Variants in GABRA4 observed in about 807,000 individuals in gnomAD.
The protein encoded by GABRA4 is gamma-aminobutyric acid type A receptor subunit alpha4.
Under a neutral mutation model 49.7 loss-of-function variants are expected in GABRA4, and 12 were observed. The ratio of observed to expected loss-of-function variants is 0.24; its 90% CI spans 0.15 to 0.39. The LOEUF (loss-of-function observed/expected upper bound fraction) is 0.39, where lower values mean the gene tolerates loss of function less well. Among genes scored for constraint, GABRA4 ranks in the 10% least tolerant of loss-of-function variants. The pLI is 1.00. For synonymous variants in GABRA4, 288 were observed against 240.2 expected (o/e 1.20, Z -1.84); for missense variants, 506 against 686.0 (o/e 0.74, Z 2.93).
rs553199900 is a variant in GABRA4, at chr4:46,944,893, C to A, written c.1135-16138G>T. Among the ~76,000 whole-genome samples the A allele has an allele frequency of 4.6e-5, 7 of 152,156 alleles. No homozygotes were observed. The East Asian group carries it at 1.4e-3, about 29-fold the overall frequency. On this transcript the variant is annotated intron_variant, in intron 8 of 8. Transcript: ENST00000264318. ...CTTTAAGGGCCTCAACAGTGTCTAA[C>A]TGTTTTCCTTTCCCTACCAACTAGC...
Position 46,922,647 on chromosome 4 carries a change from T to C in GABRA4, c.*5578A>G, listed in dbSNP as rs550859019. 25 of 151,526 alleles carry C rather than the reference T, an allele frequency of 1.6e-4. No individual in the cohort carries two copies. The highest frequency in any genetic ancestry group is 5.8e-4 in the African/African-American group (24 of 41,294). The allele number at this position is 151,526 out of a possible 1,614,324, so 9.4% of individuals were successfully genotyped here. On this transcript the variant is annotated 3_prime_UTR_variant, in exon 9 of 9. Coordinates refer to ENST00000264318, the MANE Select transcript of GABRA4 (RefSeq NM_000809.4). ...TATTTCAATAAAGCAATGGTAAAAA[T>C]AGAGAAAGAGAAGAAAAATGAAATG...
In GABRA4 at chr4:46,926,425, T is replaced by C. The variant is rs961910753; in HGVS notation, c.*1800A>G. 5 of 151,910 alleles carry C rather than the reference T, an allele frequency of 3.3e-5. No homozygotes were observed. The highest frequency in any genetic ancestry group is 2.6e-4 in the Admixed American group (4 of 15,208). 9.4% of individuals were successfully genotyped at this position (151,910 alleles called of 1,614,324 possible). A position where few individuals can be genotyped will look rare whatever the true frequency, so the allele number is the denominator to read the frequency against. Reference sequence around the variant, plus strand: ...CTTAAAATGTGTTGATTCTATGGAATACCTAGAAAGACAGCCAAGAATGAT... The same window carrying C: ...CTTAAAATGTGTTGATTCTATGGAACACCTAGAAAGACAGCCAAGAATGAT... On this transcript the variant is annotated 3_prime_UTR_variant, in exon 9 of 9. Transcript: ENST00000264318.
At chr4:46,939,690 G>T (rs1721727238) in intron 8 of GABRA4, among the ~76,000 whole-genome samples, 1 of 151,788 alleles carries the variant, frequency 6.6e-6, no homozygotes, top group African/African-American at 2.4e-5. Flanking sequence ...ACCCCTAAGT[G>T]ATCTTTGTAA....
intron 5 of GABRA4, among the ~76,000 whole-genome samples, chr4:46,976,634 T>A (rs950763784): frequency 2.0e-5 from 3 of 151,798 alleles, no homozygotes; most frequent in African/African-American, 7.2e-5. Context: ...AAGTTAGCTA[T>A]GAAGGACTGC....
At chr4:46,938,538 A>G (rs929567354) in intron 8 of GABRA4, among the ~76,000 whole-genome samples, 14 of 152,106 alleles carry the variant, frequency 9.2e-5, no homozygotes, top group African/African-American at 3.1e-4. Context: ...CTGTAAAATC[A>G]TAGCTATGCA....
At chr4:46,968,375 A>G (rs1000146631) in intron 7 of GABRA4, among the ~76,000 whole-genome samples, 5 of 147,498 alleles carry the variant, frequency 3.4e-5, no homozygotes, top group Middle Eastern at 3.5e-3. Flanking sequence ...ATTTCTAATG[A>G]AAAAAAAAAC....
intron 8 of GABRA4, among the ~76,000 whole-genome samples, chr4:46,951,460 A>G (rs1722169674): frequency 6.6e-6 from 1 of 151,836 alleles, no homozygotes; most frequent in African/African-American, 2.4e-5. Context: ...TGCCCAATAA[A>G]CTAAACCCAT....
intron 6 of GABRA4, among the ~76,000 whole-genome samples, chr4:46,971,812 T>C (rs572728852): frequency 1.3e-5 from 2 of 150,784 alleles, no homozygotes; most frequent in African/African-American, 4.8e-5. Flanking sequence ...AATTTCTAAA[T>C]GTTCTTTATA....
intron 8 of GABRA4, among the ~76,000 whole-genome samples, chr4:46,928,973 T>C (rs1721336767): frequency 6.6e-6 from 1 of 152,146 alleles, no homozygotes; most frequent in South Asian, 2.1e-4. Context: ...TATTTCAAAA[T>C]ATGGTACATT....
At chr4:46,953,160 C>A (rs1722230914) in intron 8 of GABRA4, among the ~76,000 whole-genome samples, 1 of 152,104 alleles carries the variant, frequency 6.6e-6, no homozygotes, top group South Asian at 2.1e-4. Context: ...TACAAACCAA[C>A]TCATGATATT....
At position 46,964,842 on chromosome 4, in the gene GABRA4, T is replaced by G. The variant is rs1577775809; in HGVS notation, c.1134+128A>C. ...TTAAGCTCATACAGTTACTTTTATG[T>G]TTTTCTGTATTTTTAAATGACTTAC... On this transcript the variant is annotated intron_variant, in intron 8 of 8. Coordinates refer to ENST00000264318, the MANE Select transcript of GABRA4 (RefSeq NM_000809.4). 5.9e-6 allele frequency: 6 copies of G among 1,023,828 alleles called. No homozygotes were observed. In the East Asian group the frequency reaches 1.5e-4, roughly 26 times the overall value. The allele number at this position is 1,023,828 out of a possible 1,614,324, so 63.4% of individuals were successfully genotyped here. A position where few individuals can be genotyped will look rare whatever the true frequency, so the allele number is the denominator to read the frequency against.
At chr4:46,932,659 T>G (rs1240273381) in intron 8 of GABRA4, among the ~76,000 whole-genome samples, 1 of 152,198 alleles carries the variant, frequency 6.6e-6, no homozygotes, top group Non-Finnish European at 1.5e-5. Flanking sequence ...AGTTAACATA[T>G]TCAATTATGG....
chr4:46,936,677 G>C (rs1427284239), intron 8 of GABRA4, among the ~76,000 whole-genome samples: 2 of 152,156 alleles, frequency 1.3e-5, no homozygotes, highest in African/African-American at 2.4e-5. Flanking sequence ...ATGTCATTAT[G>C]TATGAAAAGA....
chr4:46,947,270 C>G (rs1051192820), intron 8 of GABRA4, among the ~76,000 whole-genome samples: 3 of 151,956 alleles, frequency 2.0e-5, no homozygotes, highest in Non-Finnish European at 4.4e-5. Context: ...TTGTTTACCC[C>G]ATTCCCCTAA....
chr4:46,924,204 A>G lies in GABRA4; in HGVS notation c.*4021T>C, dbSNP rs575055301. 2 of 152,224 alleles carry G rather than the reference A, an allele frequency of 1.3e-5. No homozygotes were observed. Among genetic ancestry groups the G allele is most frequent in the South Asian group, 2.1e-4 (1 of 4,826 alleles). The allele number at this position is 152,224 out of a possible 1,614,324, so 9.4% of individuals were successfully genotyped here. A position where few individuals can be genotyped will look rare whatever the true frequency, so the allele number is the denominator to read the frequency against. ...TTTGGAGCCTGAGGCAGAAGAAAATATTATTACTACTGATTCTATTAATTT... is the reference window on the plus strand; with the variant it reads ...TTTGGAGCCTGAGGCAGAAGAAAATGTTATTACTACTGATTCTATTAATTT... On this transcript the variant is annotated 3_prime_UTR_variant, in exon 9 of 9. Transcript: ENST00000264318.
rs1056731894 is a variant in GABRA4, at chr4:46,923,093, C to A, written c.*5132G>T. 1 of 152,118 alleles carries A rather than the reference C, an allele frequency of 6.6e-6. No homozygotes were observed. Among genetic ancestry groups the A allele is most frequent in the Non-Finnish European group, 1.5e-5 (1 of 68,024 alleles). The allele number at this position is 152,118 out of a possible 1,614,324, so 9.4% of individuals were successfully genotyped here. A position where few individuals can be genotyped will look rare whatever the true frequency, so the allele number is the denominator to read the frequency against. On this transcript the variant is annotated 3_prime_UTR_variant, in exon 9 of 9. Transcript: ENST00000264318. The stretch of plus-strand genomic sequence containing the variant: ...CAATTTCATCTGAAAACCATTCCCC[C>A]ACCCTCACCCGTGCCTGTTGCCAAA...
chr4:46,966,721 A>G (rs1247931994), intron 7 of GABRA4, among the ~76,000 whole-genome samples: 1 of 151,754 alleles, frequency 6.6e-6, no homozygotes, highest in Non-Finnish European at 1.5e-5. Context: ...AGAACATGAA[A>G]AATTGGAGCA....
rs1190112652 is a variant in GABRA4 at position 46,965,045 on chromosome 4, C to A, written c.1059G>T (p.Arg353Ser). 1.2e-6 allele frequency: 2 copies of A among 1,612,038 alleles called. No individual in the cohort carries two copies. Among genetic ancestry groups the A allele is most frequent in the Non-Finnish European group, 1.7e-6 (2 of 1,178,800 alleles). ...FTNIQMEKAK[R>S]KTSKPPQEVP... ...CTTCCTGAGGGGGCTTTGATGTCTT[C>A]CTTTTGGCTTTTTCCATTTGAATAT... Residue 353 changes from arginine (R) to serine (S), a missense_variant, in exon 8 of 9, where the codon AGG becomes AGT. Arg to Ser is a moderately radical substitution (Grantham distance 110). Coordinates refer to ENST00000264318, the MANE Select transcript of GABRA4 (RefSeq NM_000809.4).
At chr4:46,931,850 A>T (rs1197156892) in intron 8 of GABRA4, among the ~76,000 whole-genome samples, 1 of 152,136 alleles carries the variant, frequency 6.6e-6, no homozygotes, top group African/African-American at 2.4e-5. Flanking sequence ...AACATCCAAC[A>T]ACTAGCTGAC....
Sources: gnomAD v4.1 joint callset for allele counts (sites outside exome capture counted in the v4.1 genomes callset) on GRCh38, gnomAD v4.1.1 for gene constraint, MANE v1.5 for transcripts, NCBI Gene and HGNC (gene_info 2026-07-23, HGNC 2026-07-21) for gene names.